The following ELP4 variants were observed in gnomAD, a reference collection of about 807,000 sequenced individuals.
ELP4 encodes elongator acetyltransferase complex subunit 4, also known as elongator complex protein 4.
ELP4 carries 51 observed loss-of-function variants against 48.9 expected under a neutral mutation model. That is an observed-to-expected ratio of 1.04 (90% CI 0.83 to 1.32). ELP4 has a LOEUF of 1.32. ELP4 is among the 40% of genes most tolerant of loss of function. ELP4 has a pLI of 0.00. For missense variants in ELP4, 519 were observed against 514.6 expected, an observed-to-expected ratio of 1.01 and a Z score of -0.08; for synonymous variants, 210 against 189.2, an observed-to-expected ratio of 1.11 and a Z score of -0.90.
intron 9 of ELP4, among the ~76,000 whole-genome samples, chr11:31,682,460 A>G (rs535673455): frequency 3.3e-5 from 5 of 152,208 alleles, no homozygotes; most frequent in Non-Finnish European, 7.4e-5. Flanking sequence ...TTCAAATCTC[A>G]CCTGCTCCCT....
chr11:31,650,638 G>A (rs1945300351), intron 9 of ELP4: 1 of 155,198 alleles, frequency 6.4e-6, no homozygotes, highest in Non-Finnish European at 1.4e-5. Flanking sequence ...TTTACTGTTA[G>A]TGAAATTACC....
At chr11:31,633,324 T>TAA (rs1432974772) in intron 7 of ELP4, 2 of 152,016 alleles carry the variant, frequency 1.3e-5, no homozygotes, top group African/African-American at 4.8e-5. Flanking sequence ...TGCAGTGCCT[T>TAA]ACACCTGTAA....
intron 3 of ELP4, among the ~76,000 whole-genome samples, chr11:31,592,020 C>G (rs10835791): frequency 0.61 from 92,915 of 151,996 alleles, 31,955 homozygotes; most frequent in Non-Finnish European, 0.76. Flanking sequence ...TTGTATGGTT[C>G]CATTTATAGG....
chr11:31,575,600 C>A (rs1246142212), intron 3 of ELP4, among the ~76,000 whole-genome samples: 2 of 152,180 alleles, frequency 1.3e-5, no homozygotes, highest in Non-Finnish European at 2.9e-5. Context: ...TCTCGGCAGA[C>A]ATTCTACAAA....
rs1957288034 is a variant in ELP4, at chr11:31,576,777, G to A, written c.382-17993G>A. On this transcript the variant is annotated intron_variant, in intron 3 of 9. Transcript: ENST00000640961. ...AGACACAACATACCAGAATCTCTGGGACACATTTAAAGCAATATATAGAGG... is the reference window on the plus strand; with the variant it reads ...AGACACAACATACCAGAATCTCTGGAACACATTTAAAGCAATATATAGAGG... Among the ~76,000 whole-genome samples, 2 of 152,094 alleles carry A rather than the reference G, an allele frequency of 1.3e-5. 1 individual carries two copies. Among genetic ancestry groups the A allele is most frequent in the South Asian group, 4.1e-4 (2 of 4,826 alleles).
intron 9 of ELP4, among the ~76,000 whole-genome samples, chr11:31,730,651 G>A (rs935358876): frequency 4.6e-5 from 7 of 152,136 alleles, no homozygotes; most frequent in Non-Finnish European, 1.0e-4. Context: ...AGATGCATTA[G>A]GGCACTGAGA....
intron 9 of ELP4, among the ~76,000 whole-genome samples, chr11:31,665,170 A>C (rs1044421114): frequency 6.6e-6 from 1 of 152,058 alleles, no homozygotes; most frequent in African/African-American, 2.4e-5. Flanking sequence ...TCTCAACCAA[A>C]CCACCCTATG....
intron 9 of ELP4, among the ~76,000 whole-genome samples, chr11:31,781,057 G>C (rs1434594722): frequency 6.6e-6 from 1 of 152,164 alleles, no homozygotes; most frequent in Non-Finnish European, 1.5e-5. Context: ...CCCTGTGAGG[G>C]TTACCTATGT....
At chr11:31,708,787 A>T (rs1426279082) in intron 9 of ELP4, among the ~76,000 whole-genome samples, 2 of 152,098 alleles carry the variant, frequency 1.3e-5, no homozygotes, top group East Asian at 3.8e-4. Flanking sequence ...TTCTGAATCA[A>T]ATATATATAT....
At position 31,690,532 on chromosome 11, in the gene ELP4, C is replaced by G. The variant is rs143392093; in HGVS notation, c.1143+40311C>G. On this transcript the variant is annotated intron_variant, in intron 9 of 9. Transcript: ENST00000640961. ...AAAAGTAAAATTAGAACTTCATACACAAGACACAGTTATCCCAATTTAACC... is the reference window on the plus strand; with the variant it reads ...AAAAGTAAAATTAGAACTTCATACAGAAGACACAGTTATCCCAATTTAACC... 5.3e-5 allele frequency among the ~76,000 whole-genome samples: 8 copies of G among 152,188 alleles called. No individual in the cohort carries two copies. The East Asian group carries it at 1.4e-3, about 26-fold the overall frequency.
chr11:31,606,535 T>G (rs1260325335), intron 5 of ELP4, among the ~76,000 whole-genome samples: 3 of 152,138 alleles, frequency 2.0e-5, no homozygotes, highest in Admixed American at 6.6e-5. Flanking sequence ...TTTAAAATGA[T>G]TAGTAGGTTT....
chr11:31,648,091 A>G (rs1945243409), intron 8 of ELP4: 2 of 301,412 alleles, frequency 6.6e-6, no homozygotes, highest in African/African-American at 4.3e-5. Context: ...AGTCAGGTGT[A>G]TATTTTGTCA....
chr11:31,510,448 A>G, intron 1 of ELP4: 1 of 410,404 alleles, frequency 2.4e-6, no homozygotes. Context: ...GCTGGAAAAA[A>G]ATGATTTCCC....
intron 9 of ELP4, among the ~76,000 whole-genome samples, chr11:31,721,192 A>G (rs1230052910): frequency 6.6e-6 from 1 of 152,192 alleles, no homozygotes; most frequent in Non-Finnish European, 1.5e-5. Context: ...TTGAGCTAGT[A>G]TGAAGTCAAT....
intron 4 of ELP4, among the ~76,000 whole-genome samples, chr11:31,601,187 GAGGAAATGTCTAAGTCT>G (rs1957773696): frequency 6.6e-6 from 1 of 151,886 alleles, no homozygotes; most frequent in African/African-American, 2.4e-5. Flanking sequence ...ATCTTTTTTA[GAGGAAATGTCTAAGTCT>G]TTGTTTTATA....
At chr11:31,539,246 C>G (rs1419161366) in intron 2 of ELP4, among the ~76,000 whole-genome samples, 1 of 152,090 alleles carries the variant, frequency 6.6e-6, no homozygotes, top group African/African-American at 2.4e-5. Context: ...GGGCAGATCA[C>G]GAGGTCAGGA....
chr11:31,745,864 T>G (rs2134229454), intron 9 of ELP4, among the ~76,000 whole-genome samples: 1 of 152,218 alleles, frequency 6.6e-6, no homozygotes, highest in Non-Finnish European at 1.5e-5. Flanking sequence ...CCAAAAGCAA[T>G]GGCAACAAAA....
chr11:31,781,781 G>T (rs1232264382), intron 9 of ELP4, among the ~76,000 whole-genome samples: 1 of 151,984 alleles, frequency 6.6e-6, no homozygotes, highest in African/African-American at 2.4e-5. Flanking sequence ...ACAGAAATGA[G>T]CCAGTGTGCC....
intron 9 of ELP4, among the ~76,000 whole-genome samples, chr11:31,738,698 G>A (rs956207796): frequency 5.3e-5 from 8 of 151,426 alleles, no homozygotes; most frequent in Non-Finnish European, 8.8e-5. Context: ...CGGAGATCGT[G>A]CCACTGTACT....
Sources: gnomAD v4.1 joint callset for allele counts (sites outside exome capture counted in the v4.1 genomes callset) on GRCh38, gnomAD v4.1.1 for gene constraint, MANE v1.5 for transcripts, NCBI Gene and HGNC (gene_info 2026-07-23, HGNC 2026-07-21) for gene names.